Variants in SPIRE1 observed in about 807,000 individuals in gnomAD.
The protein encoded by SPIRE1 is spire type actin nucleation factor 1, also known as protein spire homolog 1.
In SPIRE1, 40 loss-of-function variants were observed where a neutral mutation model predicts 94.1. That is an observed-to-expected ratio of 0.43 (90% CI 0.33 to 0.55). The LOEUF is 0.55. Ranked by LOEUF, SPIRE1 falls within the 20% of genes least tolerant of loss-of-function variation. The pLI is 0.06. For missense variants in SPIRE1, 838 were observed against 975.2 expected (o/e 0.86, Z 1.87); for synonymous variants, 376 against 371.7 (o/e 1.01, Z -0.13).
At position 12,500,546 on chromosome 18, in the gene SPIRE1, G is replaced by T. The variant is rs147701448; in HGVS notation, c.973-4444C>A. On this transcript the variant is annotated intron_variant, in intron 6 of 16. Transcript: ENST00000409402. ...AATTGGTGCAATTGCTGTGGAACAC[G>T]GTTTGGTAGTTTCTCAATAAGCCAA... Among the ~76,000 whole-genome samples, 83 of 152,186 alleles carry T rather than the reference G, an allele frequency of 5.5e-4. 1 individual carries two copies. The highest frequency in any genetic ancestry group is 2.0e-3 in the African/African-American group (83 of 41,524).
At chr18:12,561,039 C>T (rs909930482) in intron 2 of SPIRE1, among the ~76,000 whole-genome samples, 3 of 152,054 alleles carry the variant, frequency 2.0e-5, no homozygotes, top group Admixed American at 6.6e-5. Flanking sequence ...CCCCATTACC[C>T]CAGTGATTAT....
At chr18:12,636,805 T>C (rs2037941263) in intron 1 of SPIRE1, among the ~76,000 whole-genome samples, 2 of 152,386 alleles carry the variant, frequency 1.3e-5, no homozygotes, top group South Asian at 4.1e-4. Context: ...CAGTGATTTA[T>C]AACATACATT....
At chr18:12,621,088 AAT>A (rs2037455101) in intron 2 of SPIRE1, among the ~76,000 whole-genome samples, 1 of 152,190 alleles carries the variant, frequency 6.6e-6, no homozygotes, top group South Asian at 2.1e-4. Context: ...AAAGGATCTG[AAT>A]AGTCATTTCT....
At chr18:12,646,401 T>C (rs1181475551) in intron 1 of SPIRE1, among the ~76,000 whole-genome samples, 1 of 152,204 alleles carries the variant, frequency 6.6e-6, no homozygotes, top group Non-Finnish European at 1.5e-5. Flanking sequence ...CTTGAAGGTA[T>C]GAGTGCAGTT....
intron 2 of SPIRE1, among the ~76,000 whole-genome samples, chr18:12,594,204 C>T (rs1323791144): frequency 6.6e-6 from 1 of 151,998 alleles, no homozygotes; most frequent in Non-Finnish European, 1.5e-5. Context: ...GAAGATGAAG[C>T]TTTCAAAGCC....
intron 11 of SPIRE1, among the ~76,000 whole-genome samples, chr18:12,464,188 T>C (rs2031993640): frequency 6.6e-6 from 1 of 152,198 alleles, no homozygotes; most frequent in Non-Finnish European, 1.5e-5. Flanking sequence ...AAAACACAGA[T>C]ATAATTTCCA....
chr18:12,624,324 C>T lies in SPIRE1; in HGVS notation c.372+10738G>A, dbSNP rs527314470. 2.4e-3 allele frequency among the ~76,000 whole-genome samples: 356 copies of T among 151,426 alleles called. 3 individuals are homozygous for T. The highest frequency in any genetic ancestry group is 0.014 in the South Asian group (69 of 4,770). On this transcript the variant is annotated intron_variant, in intron 2 of 16. Transcript: ENST00000409402. ...TTGGGAGGCTGAGGCGGGTGGATCA[C>T]TTGTGGTCAGAAGTTTGAGACCAAC...
At chr18:12,609,270 T>G (rs1436339113) in intron 2 of SPIRE1, among the ~76,000 whole-genome samples, 1 of 152,116 alleles carries the variant, frequency 6.6e-6, no homozygotes, top group Non-Finnish European at 1.5e-5. Flanking sequence ...TTAAGGAAAA[T>G]AGAGTCTGCT....
chr18:12,557,550 G>A (rs760995249), intron 2 of SPIRE1, among the ~76,000 whole-genome samples: 13 of 152,110 alleles, frequency 8.5e-5, no homozygotes, highest in Admixed American at 7.9e-4. Context: ...TGCAAGCAGA[G>A]GGAGCCGGCT....
chr18:12,516,491 C>T (rs2034199451), intron 4 of SPIRE1, among the ~76,000 whole-genome samples: 1 of 152,114 alleles, frequency 6.6e-6, no homozygotes, highest in Non-Finnish European at 1.5e-5. Context: ...GGGAGCATGC[C>T]AGCCCTAATT....
At chr18:12,563,342 G>T (rs1369497004) in intron 2 of SPIRE1, among the ~76,000 whole-genome samples, 5 of 151,468 alleles carry the variant, frequency 3.3e-5, no homozygotes, top group African/African-American at 1.2e-4. Flanking sequence ...AAGAGATGGG[G>T]GTCTCCAGCC....
At chr18:12,473,623 A>G (rs536036592) in intron 10 of SPIRE1, among the ~76,000 whole-genome samples, 2 of 152,334 alleles carry the variant, frequency 1.3e-5, no homozygotes, top group South Asian at 4.1e-4. Flanking sequence ...TTTGTTCTTA[A>G]AAGAATTAAG....
At chr18:12,601,397 T>C (rs2036830837) in intron 2 of SPIRE1, among the ~76,000 whole-genome samples, 1 of 152,050 alleles carries the variant, frequency 6.6e-6, no homozygotes, top group Non-Finnish European at 1.5e-5. Context: ...CACTCCAGCC[T>C]GGGCGATAAA....
chr18:12,612,874 T>G (rs1598530578), intron 2 of SPIRE1, among the ~76,000 whole-genome samples: 1 of 152,242 alleles, frequency 6.6e-6, no homozygotes, highest in East Asian at 1.9e-4. Context: ...CAAGACCTTG[T>G]TAATCTATAA....
rs28608782 is a variant in SPIRE1 at position 12,629,197 on chromosome 18, C to T, written c.372+5865G>A. Among the ~76,000 whole-genome samples the T allele has an allele frequency of 3.0e-3, 449 of 152,190 alleles. 4 individuals are homozygous for T. The highest frequency in any genetic ancestry group is 0.014 in the East Asian group (72 of 5,186). ...GAAGGGAAAGGGCCTCTGAGTGCTA[C>T]ATAATTAGTGGTGATTAATAGGAGA... On this transcript the variant is annotated intron_variant, in intron 2 of 16. Transcript: ENST00000409402.
intron 2 of SPIRE1, among the ~76,000 whole-genome samples, chr18:12,581,495 T>C (rs1488687664): frequency 6.6e-6 from 1 of 152,340 alleles, no homozygotes; most frequent in East Asian, 1.9e-4. Flanking sequence ...ACACTATTTT[T>C]ACTCTATCCT....
chr18:12,548,604 C>CTTTTTT (rs59811774), intron 2 of SPIRE1, among the ~76,000 whole-genome samples: 2 of 144,260 alleles, frequency 1.4e-5, no homozygotes, highest in Admixed American at 6.9e-5. Context: ...TCTTTTCTTT[C>CTTTTTT]TTTTTTTTTT....
intron 1 of SPIRE1, among the ~76,000 whole-genome samples, chr18:12,649,133 C>T (rs1372939483): frequency 5.3e-5 from 8 of 152,080 alleles, no homozygotes; most frequent in Non-Finnish European, 1.0e-4. Flanking sequence ...AAAGTTTGGT[C>T]AGGCACAGTG....
intron 2 of SPIRE1, among the ~76,000 whole-genome samples, chr18:12,620,669 AC>A (rs906959528): frequency 2.6e-5 from 4 of 152,190 alleles, no homozygotes; most frequent in Admixed American, 1.3e-4. Flanking sequence ...TCGATCAAAG[AC>A]CTAAATATAA....
Sources: gnomAD v4.1 joint callset for allele counts (sites outside exome capture counted in the v4.1 genomes callset) on GRCh38, gnomAD v4.1.1 for gene constraint, MANE v1.5 for transcripts, NCBI Gene and HGNC (gene_info 2026-07-23, HGNC 2026-07-21) for gene names.